Variants in DDI2 observed in about 807,000 individuals in gnomAD.
The protein encoded by DDI2 is protein DDI1 homolog 2.
A neutral mutation model predicts 48.1 loss-of-function variants in DDI2; 5 were observed. The observed-to-expected ratio is 0.10, with a 90% CI of 0.05 to 0.22. DDI2 has a LOEUF of 0.22. Ranked by LOEUF, DDI2 falls within the 10% of genes least tolerant of loss-of-function variation. The pLI, the probability that DDI2 is intolerant of heterozygous loss-of-function variation, is 1.00. For missense variants in DDI2, 285 were observed against 506.2 expected (o/e 0.56, Z 4.19); for synonymous variants, 205 against 183.6 (o/e 1.12, Z -0.94).
At position 15,661,508 on chromosome 1, in the gene DDI2, C is replaced by T. The variant is rs976056315; in HGVS notation, c.*1718C>T. 1.9e-6 allele frequency: 3 copies of T among 1,613,930 alleles called. No homozygotes were observed. The highest frequency in any genetic ancestry group is 1.1e-5 in the South Asian group (1 of 91,016). On this transcript the variant is annotated 3_prime_UTR_variant, in exon 10 of 10. Transcript: ENST00000480945. ...AGAGAAAATGTCTGTCCTGATGCTT[C>T]GAGGCCATTACTTGAATATGAACCA...
chr1:15,625,325 C>T (rs1348363625), intron 1 of DDI2, among the ~76,000 whole-genome samples: 5 of 152,070 alleles, frequency 3.3e-5, no homozygotes, highest in East Asian at 1.9e-4. Flanking sequence ...TTCCTCAGTT[C>T]GCATGTGGCC....
At chr1:15,623,705 A>C (rs1639707103) in intron 1 of DDI2, among the ~76,000 whole-genome samples, 1 of 152,126 alleles carries the variant, frequency 6.6e-6, no homozygotes, top group South Asian at 2.1e-4. Context: ...CCCAGCCTGC[A>C]TAGGATCATT....
At position 15,661,755 on chromosome 1, in the gene DDI2, C is replaced by G. The variant is rs998257743; in HGVS notation, c.*1965C>G. The G allele has an allele frequency of 5.8e-6, 9 of 1,560,050 alleles. No individual in the cohort carries two copies. Among genetic ancestry groups the G allele is most frequent in the Non-Finnish European group, 6.9e-6 (8 of 1,154,836 alleles). ...AAAGTGGGCTAGACCGTTCTCCATT[C>G]CCTTTAAACAAAAGAAAGCTCTCTC... On this transcript the variant is annotated 3_prime_UTR_variant, in exon 10 of 10. Coordinates refer to ENST00000480945, the MANE Select transcript of DDI2 (RefSeq NM_032341.5).
Position 15,661,246 on chromosome 1 carries a change from G to T in DDI2, c.*1456G>T, listed in dbSNP as rs758632334. On this transcript the variant is annotated 3_prime_UTR_variant, in exon 10 of 10. Coordinates refer to ENST00000480945, the MANE Select transcript of DDI2 (RefSeq NM_032341.5). Reference sequence around the variant, plus strand: ...TGGCCTGTCAACCGATAAGGAAGGTGTCCCCAAATCTAGGGAATCCATAAA... The same window carrying T: ...TGGCCTGTCAACCGATAAGGAAGGTTTCCCCAAATCTAGGGAATCCATAAA... 1 of 1,614,196 alleles carries T rather than the reference G, an allele frequency of 6.2e-7. No homozygotes were observed. Among genetic ancestry groups the T allele is most frequent in the African/African-American group, 1.3e-5 (1 of 75,064 alleles).
intron 3 of DDI2, among the ~76,000 whole-genome samples, chr1:15,632,890 T>C (rs996909809): frequency 2.0e-5 from 3 of 149,902 alleles, no homozygotes; most frequent in Non-Finnish European, 4.4e-5. Flanking sequence ...AGATAACTTC[T>C]TATAAAAAAT....
intron 7 of DDI2, 95 bp downstream of exon 7, chr1:15,649,918 A>T: frequency 8.2e-7 from 1 of 1,225,292 alleles, no homozygotes; most frequent in South Asian, 1.6e-5. Flanking sequence ...TGGAAAACTA[A>T]GAAATAACGA....
intron 1 of DDI2, 29 bp downstream of exon 1, chr1:15,617,837 C>A (rs778886267): frequency 6.4e-7 from 1 of 1,554,724 alleles, no homozygotes; most frequent in Non-Finnish European, 8.7e-7. Flanking sequence ...CGGGCCTGCC[C>A]CGGAGCTAAG....
chr1:15,633,848 T>C (rs765790409), intron 4 of DDI2: 2 of 471,388 alleles, frequency 4.2e-6, no homozygotes, highest in Non-Finnish European at 8.4e-6. Flanking sequence ...TTTAGATAAA[T>C]GACCCCCGGA....
intron 1 of DDI2, among the ~76,000 whole-genome samples, chr1:15,621,670 G>C (rs902724383): frequency 6.6e-6 from 1 of 152,142 alleles, no homozygotes; most frequent in African/African-American, 2.4e-5. Context: ...ACAGGCGTGA[G>C]CCACCGCATC....
intron 3 of DDI2, among the ~76,000 whole-genome samples, chr1:15,632,304 C>A (rs942517210): frequency 1.3e-5 from 2 of 151,812 alleles, no homozygotes; most frequent in Non-Finnish European, 1.5e-5. Flanking sequence ...AGGCCGGGCA[C>A]GGTGGATCAC....
rs1363838052 is a variant in DDI2, at chr1:15,617,815, C to T, written c.138+7C>T. The T allele has an allele frequency of 2.5e-6, 4 of 1,588,864 alleles. No individual in the cohort carries two copies. The highest frequency in any genetic ancestry group is 1.3e-5 in the African/African-American group (1 of 74,674). On this transcript the variant is annotated splice_region_variant and intron_variant, in intron 1 of 9. Transcript: ENST00000480945. ...CCCCGCAGCCGAGAGCCAGGTACGC[C>T]GGGCAGCGAGCCGGGCCTGCCCCGG... is the stretch of plus-strand genomic sequence containing the variant.
Position 15,660,689 on chromosome 1 carries a change from A to G in DDI2, c.*899A>G. ...GGCAGGCAGAATGCCAATGTCAAGA[A>G]CATTGGTGCATTGGATCTCACTTTA... On this transcript the variant is annotated 3_prime_UTR_variant, in exon 10 of 10. Transcript: ENST00000480945. 1 of 1,614,220 alleles carries G rather than the reference A, an allele frequency of 6.2e-7. No homozygotes were observed. The highest frequency in any genetic ancestry group is 1.1e-5 in the South Asian group (1 of 91,080).
At chr1:15,627,083 G>A (rs930964302) in intron 2 of DDI2, 2 of 355,134 alleles carry the variant, frequency 5.6e-6, no homozygotes, top group South Asian at 1.0e-4. Flanking sequence ...GTTAGCTTCT[G>A]TTATCAGTGA....
At position 15,622,851 on chromosome 1, in the gene DDI2, T is replaced by G. The variant is rs1378727706; in HGVS notation, c.139-3818T>G. Among the ~76,000 whole-genome samples, 6 of 152,284 alleles carry G rather than the reference T, an allele frequency of 3.9e-5. No homozygotes were observed. In the South Asian group the frequency reaches 1.0e-3, roughly 26 times the overall value. The stretch of plus-strand genomic sequence containing the variant: ...TGGCAATTACAATTTTAGCTAAGCT[T>G]TAGTTGATCTCATTTATGTCCTTAG... On this transcript the variant is annotated intron_variant, in intron 1 of 9. Coordinates refer to ENST00000480945, the MANE Select transcript of DDI2 (RefSeq NM_032341.5).
chr1:15,649,691 A>G (rs1242385207), intron 6 of DDI2, 29 bp from the exon 7 acceptor site: 2 of 1,601,746 alleles, frequency 1.2e-6, no homozygotes, highest in African/African-American at 2.7e-5. Flanking sequence ...GTACGTAACA[A>G]TAACCTTTTC....
chr1:15,644,475 G>A (rs922116206), intron 6 of DDI2, among the ~76,000 whole-genome samples: 5 of 151,800 alleles, frequency 3.3e-5, no homozygotes, highest in African/African-American at 9.7e-5. Flanking sequence ...TCACAATTTC[G>A]AGGCATTGCC....
chr1:15,634,552 A>G (rs1231676907), intron 4 of DDI2, among the ~76,000 whole-genome samples: 5 of 11,804 alleles, frequency 4.2e-4, no homozygotes, highest in Admixed American at 2.0e-3. Context: ...TTTTTTTTTG[A>G]GACAAGGTCT....
chr1:15,638,479 T>G, intron 5 of DDI2, 45 bp downstream of exon 5: 1 of 1,603,272 alleles, frequency 6.2e-7, no homozygotes, highest in Non-Finnish European at 8.5e-7. Context: ...TCCAACATCT[T>G]TACCTGACAC....
intron 1 of DDI2, 74 bp downstream of exon 1, chr1:15,617,882 G>C: frequency 7.0e-7 from 1 of 1,428,396 alleles, no homozygotes; most frequent in Non-Finnish European, 9.2e-7. Flanking sequence ...CCCTCCCTTT[G>C]CTACTGGTGA....
Sources: allele counts gnomAD v4.1 joint callset (sites outside exome capture counted in the v4.1 genomes callset), GRCh38; gene constraint gnomAD v4.1.1; transcripts MANE v1.5; gene names NCBI Gene and HGNC (gene_info 2026-07-23, HGNC 2026-07-21).